DMBT1: variants seen among roughly 807,000 people sequenced by gnomAD.
DMBT1 encodes the protein deleted in malignant brain tumors 1.
In DMBT1, 198 loss-of-function variants were observed where a neutral mutation model predicts 252.9. That is an observed-to-expected ratio of 0.78 (90% confidence interval 0.70 to 0.88). The LOEUF is 0.88. Among genes scored for constraint, DMBT1 ranks in the 40% least tolerant of loss-of-function variants. DMBT1 has a pLI of 0.00. For missense variants in DMBT1, 2,432 were observed against 2,404.7 expected (o/e 1.01, Z -0.24); for synonymous variants, 990 against 942.7 (o/e 1.05, Z -0.92).
At chr10:122,632,146 C>A (rs1456142646) in intron 50 of DMBT1, among the ~76,000 whole-genome samples, 1 of 152,104 alleles carries the variant, frequency 6.6e-6, no homozygotes, top group Non-Finnish European at 1.5e-5. Context: ...AGACACCAGA[C>A]CCTGACCAGT....
intron 25 of DMBT1, 55 bp from the exon 26 acceptor site, chr10:122,598,719 T>C: frequency 2.0e-5 from 32 of 1,611,400 alleles, no homozygotes; most frequent in Non-Finnish European, 2.6e-5. Context: ...GAACATTCCT[T>C]AGATTCCTGA....
chr10:122,597,696 C>A (rs1162375089), intron 24 of DMBT1, among the ~76,000 whole-genome samples: 1 of 152,184 alleles, frequency 6.6e-6, no homozygotes, highest in Non-Finnish European at 1.5e-5. Context: ...ATGTACCCGT[C>A]AGTGCATGTG....
intron 52 of DMBT1, 40 bp downstream of exon 52, chr10:122,633,381 A>T: frequency 6.2e-7 from 1 of 1,600,648 alleles, no homozygotes; most frequent in South Asian, 1.1e-5. Flanking sequence ...GGCCCCACAG[A>T]CCTTTCAAGA....
At chr10:122,590,847 C>T (rs1198803126) in intron 18 of DMBT1, among the ~76,000 whole-genome samples, 153 bp downstream of exon 18, 1 of 148,250 alleles carries the variant, frequency 6.7e-6, no homozygotes, top group Non-Finnish European at 1.5e-5. Flanking sequence ...CATGGAGCTT[C>T]TTAACCAGAC....
chr10:122,629,435 C>G (rs2098141813), intron 46 of DMBT1, among the ~76,000 whole-genome samples: 1 of 152,232 alleles, frequency 6.6e-6, no homozygotes, highest in Non-Finnish European at 1.5e-5. Context: ...ATGGAAGACG[C>G]TAGGGAACAC....
Position 122,617,237 on chromosome 10 carries a change from C to A in DMBT1, c.4868C>A (p.Pro1623Gln), listed in dbSNP as rs1283909279. 3 of 1,609,860 alleles carry A rather than the reference C, an allele frequency of 1.9e-6. No homozygotes were observed. The highest frequency in any genetic ancestry group is 4.6e-5 in the East Asian group (2 of 43,100). The stretch of plus-strand genomic sequence containing the variant: ...TTGTTGCTATTTACAGACACTTGGC[C>A]AACCTCTCGTGCATCAACAGCAGGT... ...SQPTPSPDTWPTSRASTAGSE... is the reference protein window; with the variant it reads ...SQPTPSPDTWQTSRASTAGSE... Residue 1623 changes from proline to glutamine, a missense_variant, in exon 40 of 56, where the codon CCA (proline) becomes CAA (glutamine). Coordinates refer to ENST00000338354, the MANE Select transcript of DMBT1 (RefSeq NM_001377530.1).
chr10:122,589,850 T>G (rs146279598), intron 17 of DMBT1, among the ~76,000 whole-genome samples: 1 of 148,734 alleles, frequency 6.7e-6, no homozygotes, highest in African/African-American at 2.4e-5. Context: ...AAGTTGTTCA[T>G]GAATGGTTGG....
intron 55 of DMBT1, among the ~76,000 whole-genome samples, chr10:122,641,527 T>G (rs1844529938): frequency 6.6e-6 from 1 of 152,174 alleles, no homozygotes; most frequent in Admixed American, 6.5e-5. Context: ...GTGTTGAGGC[T>G]CACCTTGTTT....
rs775683568 is a variant in DMBT1, at chr10:122,630,298, C to T, written c.5833C>T (p.His1945Tyr). 7.4e-6 allele frequency: 12 copies of T among 1,613,660 alleles called. No individual in the cohort carries two copies. In the East Asian group the frequency reaches 1.6e-4, roughly 21 times the overall value. ...ATTTTCTCCATACAGATTGGAGGCA[C>T]ACCATAACTGCAGTTTTGATTATGT... ...LGFSNLKLEAHHNCSFDYVEI... is the reference protein window; with the variant it reads ...LGFSNLKLEAYHNCSFDYVEI... Residue 1945 changes from histidine to tyrosine, a missense_variant, in exon 48 of 56, where the codon CAC becomes TAC. Around this residue, in one of 3 missense-constraint regions of DMBT1, gnomAD observed 1,162 missense variants for 1,169.0 expected, o/e 0.99. Coordinates refer to ENST00000338354, the MANE Select transcript of DMBT1 (RefSeq NM_001377530.1).
chr10:122,622,970 GC>G (rs879266173), intron 44 of DMBT1, among the ~76,000 whole-genome samples: 1 of 152,074 alleles, frequency 6.6e-6, no homozygotes, highest in Non-Finnish European at 1.5e-5. Context: ...CCTGGCTGTT[GC>G]CCATGTTCAT....
At position 122,592,549 on chromosome 10, in the gene DMBT1, C is replaced by T. The variant is rs759772282; in HGVS notation, c.2454C>T (p.Leu818=). ...GGAGCTGCCCCCACAATGGCTGGCT[C>T]TCCCACAACTGTGGCCATCATGAAG... ...YLWSCPHNGW[L]SHNCGHHEDA... The change falls in exon 20 of 56, where the codon CTC becomes CTT. Residue 818 remains leucine (L), a synonymous_variant. Transcript: ENST00000338354. 2 of 1,588,274 alleles carry T rather than the reference C, an allele frequency of 1.3e-6. No homozygotes were observed. The highest frequency in any genetic ancestry group is 1.2e-5 in the South Asian group (1 of 86,932).
chr10:122,576,880 C>T (rs112793908), intron 7 of DMBT1, among the ~76,000 whole-genome samples, 158 bp downstream of exon 7: 2,504 of 152,286 alleles, frequency 0.016, 63 homozygotes, highest in African/African-American at 0.057. Flanking sequence ...AAGAAAATCA[C>T]TTGGGCCCAT....
At chr10:122,620,068 G>A (rs1421568796) in intron 42 of DMBT1, among the ~76,000 whole-genome samples, 185 bp from the exon 43 acceptor site, 1 of 152,220 alleles carries the variant, frequency 6.6e-6, no homozygotes, top group Admixed American at 6.5e-5. Context: ...GATCGAACTG[G>A]TCTCCAGCAA....
intron 52 of DMBT1, among the ~76,000 whole-genome samples, chr10:122,634,350 T>TTC (rs1555029816): frequency 9.9e-5 from 9 of 90,866 alleles, no homozygotes; most frequent in Non-Finnish European, 1.6e-4. Context: ...TTTTCTTTCT[T>TTC]TCTTTCTTTC....
intron 50 of DMBT1, among the ~76,000 whole-genome samples, chr10:122,632,463 C>T (rs1051801311): frequency 6.7e-6 from 1 of 149,812 alleles, no homozygotes; most frequent in African/African-American, 2.5e-5. Flanking sequence ...GCCCTCTCCC[C>T]ATCCTCTGCC....
intron 42 of DMBT1, 103 bp downstream of exon 42, chr10:122,619,440 G>A: frequency 6.7e-7 from 1 of 1,490,808 alleles, no homozygotes; most frequent in South Asian, 1.2e-5. Context: ...GGATACTGTG[G>A]GGCATATTAT....
rs1389664801 is a variant in DMBT1, at chr10:122,634,346, T to TTCTTTCTTTCTTTC, written c.6548+1007_6548+1020dup. The stretch of plus-strand genomic sequence containing the variant: ...AGGACATTACTAAAAGCACTTTTCT[T>TTCTTTCTTTCTTTC]TCTTTCTTTCTTTCTTTCTTTCTTT... On this transcript the variant is annotated intron_variant, in intron 52 of 55. Coordinates refer to ENST00000338354, the MANE Select transcript of DMBT1 (RefSeq NM_001377530.1). 1.0e-3 allele frequency among the ~76,000 whole-genome samples: 80 copies of TTCTTTCTTTCTTTC among 79,784 alleles called. 1 individual carries two copies. The highest frequency in any genetic ancestry group is 6.5e-3 in the South Asian group (14 of 2,168). 52.3% of individuals were successfully genotyped at this position (79,784 alleles called of 152,430 possible). A position where few individuals can be genotyped will look rare whatever the true frequency, so the allele number is the denominator to read the frequency against.
At chr10:122,590,903 A>C (rs1341009917) in intron 18 of DMBT1, among the ~76,000 whole-genome samples, 3 of 148,128 alleles carry the variant, frequency 2.0e-5, no homozygotes, top group Non-Finnish European at 4.5e-5. Flanking sequence ...AGTGATTGCC[A>C]AAGTCTCCTG....
rs1195519037 is a variant in DMBT1, at chr10:122,580,893, C to T, written c.1031C>T (p.Pro344Leu). Residue 344 changes from proline to leucine, a missense_variant and splice_region_variant, in exon 11 of 56, where the codon CCA (proline) becomes CTA (leucine). Transcript: ENST00000338354. Reference sequence around the variant, plus strand: ...CCCCAGTCCCGGCCGACACCCAGCCCAGGTAGGTCCCCAGTGTCCTTCCTC... The same window carrying T: ...CCCCAGTCCCGGCCGACACCCAGCCTAGGTAGGTCCCCAGTGTCCTTCCTC... ...SAPQSRPTPS[P>L]DTWPTSHAST... The T allele has an allele frequency of 6.2e-7, 1 of 1,613,768 alleles. No homozygotes were observed. Among genetic ancestry groups the T allele is most frequent in the African/African-American group, 1.3e-5 (1 of 74,890 alleles).
Sources: gnomAD v4.1 joint callset for allele counts (sites outside exome capture counted in the v4.1 genomes callset) on GRCh38, gnomAD v4.1.1 for gene constraint, gnomAD v4.1.1 regional missense constraint, MANE v1.5 for transcripts, NCBI Gene and HGNC (gene_info 2026-07-23, HGNC 2026-07-21) for gene names.